Variants in CCND3 observed in about 807,000 individuals in gnomAD.
CCND3 encodes cyclin D3.
A neutral mutation model predicts 28.7 loss-of-function variants in CCND3; 9 were observed. The observed-to-expected ratio is 0.31, with a 90% CI of 0.19 to 0.55. The LOEUF (loss-of-function observed/expected upper bound fraction) is 0.55. Ranked by LOEUF, CCND3 falls within the 20% of genes least tolerant of loss-of-function variation. CCND3 has a pLI of 0.93. For missense variants in CCND3, 315 were observed against 385.8 expected (o/e 0.82, Z 1.54); for synonymous variants, 164 against 163.9 (o/e 1.00, Z 0.00).
Position 41,935,104 on chromosome 6 carries a change from C to T in CCND3, c.*836G>A. Reference sequence around the variant, plus strand: ...CTCCAGGGCATCCCTGCTGCATTTTCCCTGCTGGAGGATGGGGCAGAGGGA... The same window carrying T: ...CTCCAGGGCATCCCTGCTGCATTTTTCCTGCTGGAGGATGGGGCAGAGGGA... On this transcript the variant is annotated 3_prime_UTR_variant, in exon 5 of 5. Transcript: ENST00000372991. 4.3e-6 allele frequency: 1 copy of T among 233,372 alleles called. No individual in the cohort carries two copies. The highest frequency in any genetic ancestry group is 8.5e-6 in the Non-Finnish European group (1 of 118,098). 14.5% of individuals were successfully genotyped at this position (233,372 alleles called of 1,614,324 possible).
At chr6:42,049,110 A>C (rs1764645757), upstream of CCND3, 1 of 158,780 alleles carries the variant, frequency 6.3e-6, no homozygotes, top group Non-Finnish European at 1.4e-5. Flanking sequence ...ATCTCGGCTC[A>C]CTGCAACCTC....
intron 1 of CCND3, among the ~76,000 whole-genome samples, chr6:41,999,579 C>T (rs1183210944): frequency 6.6e-6 from 1 of 152,086 alleles, no homozygotes; most frequent in Non-Finnish European, 1.5e-5. Context: ...TTCCATCTCG[C>T]AAATAACAAA....
At chr6:41,977,498 C>G (rs540413441) in intron 1 of CCND3, among the ~76,000 whole-genome samples, 1 of 152,206 alleles carries the variant, frequency 6.6e-6, no homozygotes, top group East Asian at 1.9e-4. Context: ...TCCAAAGTAG[C>G]TGGGATTACA....
At chr6:42,008,837 C>T (rs1034758611) in intron 1 of CCND3, among the ~76,000 whole-genome samples, 12 of 152,096 alleles carry the variant, frequency 7.9e-5, no homozygotes, top group African/African-American at 2.9e-4. Flanking sequence ...GCCTAACATT[C>T]CACAGAATAT....
At chr6:41,954,216 A>G (rs1018970555) in intron 1 of CCND3, among the ~76,000 whole-genome samples, 2 of 130,092 alleles carry the variant, frequency 1.5e-5, no homozygotes, top group Non-Finnish European at 3.1e-5. Flanking sequence ...GCACCGCTGC[A>G]CTCCAGCCTG....
At chr6:42,045,669 G>T (rs1375564021) in intron 1 of CCND3, among the ~76,000 whole-genome samples, 1 of 152,246 alleles carries the variant, frequency 6.6e-6, no homozygotes, top group Non-Finnish European at 1.5e-5. Context: ...TTCTAGCAGT[G>T]TCTGTTGCCA....
At chr6:41,990,757 C>T (rs901885052) in intron 1 of CCND3, among the ~76,000 whole-genome samples, 1 of 148,148 alleles carries the variant, frequency 6.8e-6, no homozygotes, top group Non-Finnish European at 1.5e-5. Context: ...TCTCAGCTCC[C>T]TGCACCTCTG....
rs547476313 is a variant in CCND3, at chr6:41,994,945, G to A, written c.-46+53556C>T. 2.5e-3 allele frequency among the ~76,000 whole-genome samples: 376 copies of A among 151,944 alleles called. 1 individual carries two copies. Among genetic ancestry groups the A allele is most frequent in the African/African-American group, 8.6e-3 (357 of 41,468 alleles). On this transcript the variant is annotated intron_variant, in intron 1 of 4. Coordinates refer to the CCND3 transcript ENST00000372988. ...AAATTAGCCAGGCGTGGTGGCAGCC[G>A]CCTGTAATTCCAGCTACTCGGGAGG...
upstream of CCND3, among the ~76,000 whole-genome samples, chr6:41,944,290 C>T (rs964171841): frequency 4.6e-5 from 7 of 151,956 alleles, no homozygotes; most frequent in South Asian, 4.1e-4. Context: ...TGAACCATAA[C>T]GGCACATGAC....
At chr6:41,978,371 C>CAA (rs575675626) in intron 1 of CCND3, among the ~76,000 whole-genome samples, 36,438 of 127,632 alleles carry the variant, frequency 0.29, 5,298 homozygotes, top group Middle Eastern at 0.47. Flanking sequence ...GACTCCATCT[C>CAA]AAAAAAAAAA....
intron 1 of CCND3, among the ~76,000 whole-genome samples, chr6:41,983,340 C>T (rs1045055715): frequency 3.4e-4 from 50 of 148,974 alleles, no homozygotes; most frequent in Non-Finnish European, 3.8e-4. Flanking sequence ...CCATTGCACT[C>T]CAACCTGGGC....
chr6:42,000,564 CTTTTT>C (rs774090777), intron 1 of CCND3, among the ~76,000 whole-genome samples: 1 of 85,516 alleles, frequency 1.2e-5, no homozygotes. Flanking sequence ...TGAAACGAAT[CTTTTT>C]TTTTTTTTTT....
intron 1 of CCND3, among the ~76,000 whole-genome samples, chr6:42,032,314 T>C (rs938405677): frequency 6.6e-6 from 1 of 152,212 alleles, no homozygotes; most frequent in Non-Finnish European, 1.5e-5. Context: ...CTTGAACTCC[T>C]GGCCTGAAGC....
At position 41,939,807 on chromosome 6, in the gene CCND3, C is replaced by T. The variant is rs966651598; in HGVS notation, c.414+563G>A. On this transcript the variant is annotated intron_variant, in intron 2 of 4. Coordinates refer to ENST00000372991, the MANE Select transcript of CCND3 (RefSeq NM_001760.5). This position sits in a 1 kb window ranked among gnomAD's most constrained non-coding sequence, Gnocchi z 4.2. The stretch of plus-strand genomic sequence containing the variant: ...AGGATTAGGAAGAAGCTGTTTCTTC[C>T]GGGATATAAGAGGAAGCAAAGAAGG... Among the ~76,000 whole-genome samples the T allele has an allele frequency of 6.6e-6, 1 of 152,110 alleles. No individual in the cohort carries two copies. The highest frequency in any genetic ancestry group is 2.4e-5 in the African/African-American group (1 of 41,404).
rs1582082094 is a variant in CCND3, at chr6:41,936,879, A to G, written c.575-184T>C. The G allele has an allele frequency of 1.6e-6, 1 of 638,044 alleles. No homozygotes were observed. The highest frequency in any genetic ancestry group is 2.0e-5 in the South Asian group (1 of 50,792). 39.5% of individuals were successfully genotyped at this position (638,044 alleles called of 1,614,324 possible). The stretch of plus-strand genomic sequence containing the variant: ...GAAGACAGGAAAGAGTATCTTTCCT[A>G]GAGATCAGAACCAACTGCCAGTTTC... On this transcript the variant is annotated intron_variant, in intron 3 of 4. Coordinates refer to ENST00000372991, the MANE Select transcript of CCND3 (RefSeq NM_001760.5). This position sits in a 1 kb window ranked among gnomAD's most constrained non-coding sequence, Gnocchi z 4.4.
intron 1 of CCND3, chr6:42,031,273 T>TGCCCCTC (rs1430234458): frequency 6.6e-6 from 1 of 152,290 alleles, no homozygotes. Context: ...CTGAGTCATC[T>TGCCCCTC]GCCCCTCACC....
chr6:42,036,306 T>TTTTATATA lies in CCND3; in HGVS notation c.-46+12194_-46+12195insTATATAAA, dbSNP rs1554168336. 3.1e-5 allele frequency among the ~76,000 whole-genome samples: 4 copies of TTTTATATA among 130,678 alleles called. No individual in the cohort carries two copies. In the South Asian group the frequency reaches 9.7e-4, roughly 32 times the overall value. 85.7% of individuals were successfully genotyped at this position (130,678 alleles called of 152,430 possible). ...CCATGCCTGGCCTAAAAATTATTAT[T>TTTTATATA]TATATATATATATATATAAAATATA... On this transcript the variant is annotated intron_variant, in intron 1 of 4. Coordinates refer to the CCND3 transcript ENST00000372988.
intron 1 of CCND3, among the ~76,000 whole-genome samples, chr6:41,956,295 A>AAAAT (rs1561960135): frequency 1.4e-4 from 22 of 152,064 alleles, no homozygotes; most frequent in South Asian, 4.1e-4. Flanking sequence ...CCTTCTCAAA[A>AAAAT]AAAATAAAAT....
intron 1 of CCND3, among the ~76,000 whole-genome samples, chr6:41,995,118 A>G (rs965564904): frequency 6.6e-6 from 1 of 152,172 alleles, no homozygotes; most frequent in African/African-American, 2.4e-5. Flanking sequence ...TATATTAGTT[A>G]AAATTTTTAT....
Sources: allele counts gnomAD v4.1 joint callset (sites outside exome capture counted in the v4.1 genomes callset), GRCh38; gene constraint gnomAD v4.1.1; non-coding constraint Gnocchi (gnomAD v3.1); transcripts MANE v1.5; gene names NCBI Gene and HGNC (gene_info 2026-07-23, HGNC 2026-07-21).